MDGA2: variants seen among roughly 807,000 people sequenced by gnomAD.
The protein encoded by MDGA2 is MAM domain-containing glycosylphosphatidylinositol anchor protein 2.
Under a neutral mutation model 117.8 loss-of-function variants are expected in MDGA2, and 40 were observed. That is an observed-to-expected ratio of 0.34 (90% confidence interval 0.26 to 0.44). MDGA2 has a LOEUF of 0.44. MDGA2 is among the 20% of genes least tolerant of loss of function. The pLI is 1.00. For missense variants in MDGA2, 1,123 were observed against 1,250.6 expected, an observed-to-expected ratio of 0.90 and a Z score of 1.54; for synonymous variants, 452 against 439.0, an observed-to-expected ratio of 1.03 and a Z score of -0.37.
chr14:46,917,784 A>G (rs1182751230), intron 10 of MDGA2, among the ~76,000 whole-genome samples: 1 of 152,172 alleles, frequency 6.6e-6, no homozygotes, highest in Non-Finnish European at 1.5e-5. Context: ...TCATGTCAGG[A>G]AAGGAAAATA....
At chr14:47,371,373 A>G (rs1891355302) in intron 1 of MDGA2, among the ~76,000 whole-genome samples, 1 of 151,850 alleles carries the variant, frequency 6.6e-6, no homozygotes, top group Non-Finnish European at 1.5e-5. Context: ...ATTTGGAAGT[A>G]TCAATCTCTT....
At chr14:47,186,950 G>T (rs1436551828) in intron 3 of MDGA2, among the ~76,000 whole-genome samples, 1 of 151,988 alleles carries the variant, frequency 6.6e-6, no homozygotes, top group African/African-American at 2.4e-5. Flanking sequence ...CATTCTGAAT[G>T]TGGCTCTGTT....
chr14:47,269,867 G>C (rs1238989136), intron 2 of MDGA2, among the ~76,000 whole-genome samples: 1 of 152,066 alleles, frequency 6.6e-6, no homozygotes, highest in African/African-American at 2.4e-5. Flanking sequence ...TGACAAAAGA[G>C]ACTGATGAAA....
intron 6 of MDGA2, among the ~76,000 whole-genome samples, chr14:47,067,971 TG>T (rs1442535579): frequency 6.6e-6 from 1 of 152,160 alleles, no homozygotes; most frequent in Non-Finnish European, 1.5e-5. Flanking sequence ...CTAGTCTGAA[TG>T]GAAGTTCATT....
chr14:47,193,427 C>T lies in MDGA2; in HGVS notation c.595+24594G>A, dbSNP rs542286138. 2.0e-5 allele frequency among the ~76,000 whole-genome samples: 3 copies of T among 152,234 alleles called. No individual in the cohort carries two copies. The South Asian group carries it at 6.2e-4, about 32-fold the overall frequency. The stretch of plus-strand genomic sequence containing the variant: ...ACCCATCTGTCCCAGAGTCTTGGAT[C>T]TTAACCATGTGACTATGTAATACTT... On this transcript the variant is annotated intron_variant, in intron 3 of 16. Transcript: ENST00000399232.
intron 10 of MDGA2, among the ~76,000 whole-genome samples, chr14:46,883,530 T>C (rs1882546675): frequency 1.3e-5 from 2 of 152,020 alleles, no homozygotes; most frequent in Admixed American, 1.3e-4. Flanking sequence ...CAAGTGAGAA[T>C]GCTCAACATT....
At position 46,874,174 on chromosome 14, in the gene MDGA2, C is replaced by T. The variant is rs779748173; in HGVS notation, c.2464G>A (p.Gly822Ser). 9 of 1,454,282 alleles carry T rather than the reference C, an allele frequency of 6.2e-6. No homozygotes were observed. In the Admixed American group the frequency reaches 1.4e-4, roughly 23 times the overall value. The allele number at this position is 1,454,282 out of a possible 1,614,324, so 90.1% of individuals were successfully genotyped here. A position where few individuals can be genotyped will look rare whatever the true frequency, so the allele number is the denominator to read the frequency against. Residue 822 changes from glycine to serine, a missense_variant, in exon 13 of 17, where the codon GGT (glycine) becomes AGT (serine). Gly to Ser is a moderately conservative substitution (Grantham distance 56). Around this residue, in one of 2 missense-constraint regions of MDGA2, gnomAD observed 890 missense variants for 1,050.3 expected, o/e 0.85. Coordinates refer to ENST00000399232, the MANE Select transcript of MDGA2 (RefSeq NM_001113498.3). ...TCTTGAGTGAACAAACAAATATTAC[C>T]ATCTTCAAATCCACAATGAAATTCT... ...LREFHCGFED[G>S]NICLFTQDDT...
At chr14:47,367,684 T>C (rs1458462814) in intron 1 of MDGA2, among the ~76,000 whole-genome samples, 1 of 152,190 alleles carries the variant, frequency 6.6e-6, no homozygotes, top group Non-Finnish European at 1.5e-5. Context: ...ACAAATCTCA[T>C]CTACACAAGA....
intron 3 of MDGA2, among the ~76,000 whole-genome samples, chr14:47,208,553 G>A (rs1332121020): frequency 7.6e-6 from 1 of 131,326 alleles, no homozygotes; most frequent in African/African-American, 2.8e-5. Flanking sequence ...TTTATGAAAT[G>A]TCTGTGCAAT....
At chr14:47,500,088 T>C (rs552762185) in intron 1 of MDGA2, among the ~76,000 whole-genome samples, 11 of 152,350 alleles carry the variant, frequency 7.2e-5, no homozygotes, top group African/African-American at 2.2e-4. Flanking sequence ...TGATAAAGTA[T>C]ACTTGAAAAC....
chr14:47,447,860 A>C (rs1051265004), intron 1 of MDGA2, among the ~76,000 whole-genome samples: 1 of 152,152 alleles, frequency 6.6e-6, no homozygotes, highest in Non-Finnish European at 1.5e-5. Context: ...AGGCTCCTCT[A>C]AAATTCTCTC....
chr14:47,340,295 T>C lies in MDGA2; in HGVS notation c.281-38745A>G, dbSNP rs1030464066. ...ATCAATGCATAAACCAATTTATAAA[T>C]AGAATTCCTACTTGTCAATTTATAA... On this transcript the variant is annotated intron_variant, in intron 1 of 16. Transcript: ENST00000399232. 5.9e-5 allele frequency among the ~76,000 whole-genome samples: 9 copies of C among 152,226 alleles called. No individual in the cohort carries two copies. In the East Asian group the frequency reaches 7.7e-4, roughly 13 times the overall value.
chr14:47,196,748 C>T (rs1340802894), intron 3 of MDGA2, among the ~76,000 whole-genome samples: 9 of 152,240 alleles, frequency 5.9e-5, no homozygotes, highest in African/African-American at 2.2e-4. Context: ...GCTTGGTATA[C>T]GAATAAGCCT....
At chr14:46,910,933 A>T (rs1439258583) in intron 10 of MDGA2, among the ~76,000 whole-genome samples, 2 of 152,182 alleles carry the variant, frequency 1.3e-5, no homozygotes, top group African/African-American at 4.8e-5. Context: ...TATAACTGGT[A>T]GCTAAATGAT....
At chr14:47,339,373 T>C (rs1490251400) in intron 1 of MDGA2, among the ~76,000 whole-genome samples, 2 of 152,066 alleles carry the variant, frequency 1.3e-5, no homozygotes, top group East Asian at 3.8e-4. Context: ...ACTGCTATAG[T>C]TTGGATATGG....
chr14:47,433,501 T>C (rs1296149082), intron 1 of MDGA2, among the ~76,000 whole-genome samples: 2 of 152,150 alleles, frequency 1.3e-5, no homozygotes, highest in South Asian at 2.1e-4. Context: ...GAGATGACTA[T>C]TGCCAGTTTT....
intron 1 of MDGA2, among the ~76,000 whole-genome samples, chr14:47,568,487 A>G (rs1036091440): frequency 7.2e-5 from 11 of 152,238 alleles, no homozygotes; most frequent in African/African-American, 2.7e-4. Flanking sequence ...CACAGTAAAG[A>G]GAAATTTCAA....
chr14:47,201,815 T>C (rs928817417), intron 3 of MDGA2, among the ~76,000 whole-genome samples: 5 of 152,282 alleles, frequency 3.3e-5, no homozygotes, highest in Non-Finnish European at 7.3e-5. Flanking sequence ...CCATCAAATA[T>C]CCTCTCTGCT....
At chr14:47,212,977 G>T (rs575679784) in intron 3 of MDGA2, among the ~76,000 whole-genome samples, 1 of 151,996 alleles carries the variant, frequency 6.6e-6, no homozygotes, top group Non-Finnish European at 1.5e-5. Context: ...TTCTATTGTC[G>T]TGCTGCCCTG....
Sources: gnomAD v4.1 joint callset for allele counts (sites outside exome capture counted in the v4.1 genomes callset) on GRCh38, gnomAD v4.1.1 for gene constraint, gnomAD v4.1.1 regional missense constraint, MANE v1.5 for transcripts, NCBI Gene and HGNC (gene_info 2026-07-23, HGNC 2026-07-21) for gene names.